Variants in RTL4 observed in about 807,000 individuals in gnomAD.
The protein encoded by RTL4 is retrotransposon Gag like 4.
In RTL4, 4 loss-of-function variants were observed where a neutral mutation model predicts 5.3. The ratio of observed to expected loss-of-function variants is 0.75; its 90% CI spans 0.37 to 1.72. The LOEUF (loss-of-function observed/expected upper bound fraction) is 1.72. RTL4 is among the 40% of genes most tolerant of loss of function. The pLI is 0.04. For missense variants in RTL4, 260 were observed against 227.1 expected, an observed-to-expected ratio of 1.14 and a Z score of -0.93; for synonymous variants, 98 against 87.3, an observed-to-expected ratio of 1.12 and a Z score of -0.68.
At chrX:112,093,380 C>T in the RTL4 span, among the ~76,000 whole-genome samples, 1 of 111,700 alleles carries the variant, frequency 9.0e-6, no homozygotes, top group Non-Finnish European at 1.9e-5. Context: ...GTAACCTTCT[C>T]CCCAACCACT....
chrX:112,106,520 T>G, the RTL4 span, among the ~76,000 whole-genome samples: 1 of 112,013 alleles, frequency 8.9e-6, no homozygotes, highest in East Asian at 2.8e-4. Context: ...CCAATTTCAT[T>G]TCTTTTGTAA....
chrX:112,313,422 T>C, the RTL4 span, among the ~76,000 whole-genome samples: 546 of 111,237 alleles, frequency 4.9e-3, 2 homozygotes, highest in African/African-American at 0.017. Context: ...TGATTTTATT[T>C]AGTCTTCACA....
chrX:112,190,014 T>C, the RTL4 span, among the ~76,000 whole-genome samples: 3 of 112,165 alleles, frequency 2.7e-5, no homozygotes, highest in Non-Finnish European at 5.6e-5. Context: ...ATTTTCAACA[T>C]TTTTACATGC....
chrX:112,428,578 A>G, the RTL4 span, among the ~76,000 whole-genome samples: 1 of 111,547 alleles, frequency 9.0e-6, no homozygotes, highest in East Asian at 2.8e-4. Flanking sequence ...CCCACAGTGT[A>G]GTCTATCTTG....
chrX:112,168,939 T>TTCTTTTTC, the RTL4 span, among the ~76,000 whole-genome samples: 111 of 91,865 alleles, frequency 1.2e-3, no homozygotes, highest in African/African-American at 4.4e-3. Context: ...CTTTCTTTCT[T>TTCTTTTTC]TTTCTTTCTT....
the RTL4 span, among the ~76,000 whole-genome samples, chrX:112,124,151 T>C: frequency 8.9e-6 from 1 of 111,913 alleles, no homozygotes; most frequent in Non-Finnish European, 1.9e-5. Context: ...GAATGGTGAT[T>C]ATTAAAAGTC....
At chrX:112,217,622 A>G in the RTL4 span, among the ~76,000 whole-genome samples, 1 of 111,902 alleles carries the variant, frequency 8.9e-6, no homozygotes, top group Non-Finnish European at 1.9e-5. Context: ...AGTAAATGTG[A>G]TGATGTACAT....
chrX:112,277,120 C>T, the RTL4 span, among the ~76,000 whole-genome samples: 6 of 111,442 alleles, frequency 5.4e-5, no homozygotes, highest in South Asian at 2.3e-3. Context: ...TCCCCCATGT[C>T]TTGGGTCCAG....
chrX:112,451,593 T>C (rs1926736794), upstream of RTL4, among the ~76,000 whole-genome samples: 1 of 112,071 alleles, frequency 8.9e-6, no homozygotes, highest in Non-Finnish European at 1.9e-5. Context: ...AGGCAGGTAT[T>C]ATAATCATGT....
At chrX:112,402,621 C>T in the RTL4 span, among the ~76,000 whole-genome samples, 6 of 111,153 alleles carry the variant, frequency 5.4e-5, no homozygotes, top group Non-Finnish European at 7.5e-5. Context: ...GCTGTGCTTG[C>T]ATCACTTCAC....
chrX:112,105,677 C>G, the RTL4 span, among the ~76,000 whole-genome samples: 2 of 110,906 alleles, frequency 1.8e-5, no homozygotes, highest in African/African-American at 6.5e-5. Context: ...TTGATTTTCT[C>G]TCTGAAAATT....
chrX:112,221,309 A>G, the RTL4 span, among the ~76,000 whole-genome samples: 1 of 111,516 alleles, frequency 9.0e-6, no homozygotes. Flanking sequence ...ATCATCTCTC[A>G]CTGAGTCTCT....
At chrX:112,207,811 G>A in the RTL4 span, among the ~76,000 whole-genome samples, 1 of 110,542 alleles carries the variant, frequency 9.0e-6, no homozygotes, top group African/African-American at 3.3e-5. Context: ...GAATCCTGGG[G>A]CTCTGAAGCA....
At chrX:112,233,845 C>T in the RTL4 span, among the ~76,000 whole-genome samples, 1 of 111,754 alleles carries the variant, frequency 8.9e-6, no homozygotes, top group East Asian at 2.8e-4. Context: ...TACCAATTCC[C>T]TGTCTGTTTT....
At chrX:112,212,063 A>G in the RTL4 span, among the ~76,000 whole-genome samples, 1 of 112,658 alleles carries the variant, frequency 8.9e-6, no homozygotes, top group South Asian at 3.7e-4. Context: ...CCTTCTTTAT[A>G]GAATTAAGTT....
At chrX:112,230,530 ACT>A in the RTL4 span, among the ~76,000 whole-genome samples, 1 of 112,021 alleles carries the variant, frequency 8.9e-6, no homozygotes, top group Admixed American at 9.4e-5. Flanking sequence ...CACTGCACCC[ACT>A]GTCTGGCACT....
chrX:112,083,475 G>A, the RTL4 span, among the ~76,000 whole-genome samples: 2 of 112,130 alleles, frequency 1.8e-5, no homozygotes, highest in African/African-American at 6.5e-5. Flanking sequence ...GGACTGACCT[G>A]GGGTCCTATG....
the RTL4 span, among the ~76,000 whole-genome samples, chrX:112,276,220 G>T: frequency 1.6e-4 from 18 of 111,212 alleles, no homozygotes; most frequent in Non-Finnish European, 2.6e-4. Context: ...AAATTTAATC[G>T]TTTTTGCTTG....
the RTL4 span, among the ~76,000 whole-genome samples, chrX:112,165,118 T>C: frequency 8.9e-6 from 1 of 111,875 alleles, no homozygotes; most frequent in Non-Finnish European, 1.9e-5. Context: ...CCTGATCAGA[T>C]ACTGCCTCGC....
Sources: gnomAD v4.1 joint callset for allele counts (sites outside exome capture counted in the v4.1 genomes callset) on GRCh38, gnomAD v4.1.1 for gene constraint, MANE v1.5 for transcripts, NCBI Gene and HGNC (gene_info 2026-07-23, HGNC 2026-07-21) for gene names.